CHN1: variants seen among roughly 807,000 people sequenced by gnomAD.
CHN1 encodes the protein chimerin 1, also known as N-chimaerin.
Under a neutral mutation model 59.5 loss-of-function variants are expected in CHN1, and 37 were observed. The ratio of observed to expected loss-of-function variants is 0.62; its 90% CI spans 0.48 to 0.82. CHN1 has a LOEUF of 0.82. Ranked by LOEUF, CHN1 falls within the 40% of genes least tolerant of loss-of-function variation. The pLI, the probability that CHN1 is intolerant of heterozygous loss-of-function variation, is 0.00. For missense variants in CHN1, 469 were observed against 571.0 expected, an observed-to-expected ratio of 0.82 and a Z score of 1.82; for synonymous variants, 206 against 200.4, an observed-to-expected ratio of 1.03 and a Z score of -0.24.
At chr2:174,894,502 T>G (rs1688149089) in intron 5 of CHN1, among the ~76,000 whole-genome samples, 1 of 152,090 alleles carries the variant, frequency 6.6e-6, no homozygotes, top group Admixed American at 6.6e-5. Context: ...ACAAATGGAA[T>G]GCTTGTGTAC....
intron 3 of CHN1, among the ~76,000 whole-genome samples, chr2:174,936,148 C>T (rs1490743595): frequency 2.0e-5 from 3 of 152,102 alleles, no homozygotes; most frequent in African/African-American, 7.2e-5. Flanking sequence ...GAAAGACAAC[C>T]TCATTGTTAC....
At chr2:174,934,551 C>T (rs956237555) in intron 3 of CHN1, among the ~76,000 whole-genome samples, 8 of 152,122 alleles carry the variant, frequency 5.3e-5, no homozygotes, top group Non-Finnish European at 1.0e-4. Flanking sequence ...CCGGGGACCC[C>T]TGTATTAGAG....
intron 1 of CHN1, among the ~76,000 whole-genome samples, chr2:174,968,683 A>G (rs943695508): frequency 2.6e-5 from 4 of 152,254 alleles, no homozygotes; most frequent in Admixed American, 6.5e-5. Context: ...CTTGCATGCA[A>G]CAAGGCCTAA....
At chr2:174,836,033 C>CCTTT (rs772313817) in intron 7 of CHN1, among the ~76,000 whole-genome samples, 66 of 152,300 alleles carry the variant, frequency 4.3e-4, no homozygotes, top group Non-Finnish European at 7.2e-4. Context: ...TTGTGTGCAG[C>CCTTT]TCTGTCTCCT....
chr2:174,859,188 A>G (rs1009923921), intron 6 of CHN1, among the ~76,000 whole-genome samples: 4 of 152,170 alleles, frequency 2.6e-5, no homozygotes, highest in African/African-American at 9.6e-5. Flanking sequence ...GCATAGATCC[A>G]GGAGTGGCTC....
chr2:174,926,417 C>G (rs1420495083), intron 3 of CHN1, among the ~76,000 whole-genome samples: 1 of 152,022 alleles, frequency 6.6e-6, no homozygotes, highest in East Asian at 1.9e-4. Flanking sequence ...AATAAATTAT[C>G]AGGACCCCCA....
At chr2:174,994,530 C>T (rs1691643560) in intron 1 of CHN1, among the ~76,000 whole-genome samples, 1 of 152,138 alleles carries the variant, frequency 6.6e-6, no homozygotes, top group South Asian at 2.1e-4. Flanking sequence ...TAGGGAACTT[C>T]ATCCAATGGG....
intron 1 of CHN1, among the ~76,000 whole-genome samples, chr2:174,963,594 T>C (rs752987220): frequency 6.6e-6 from 1 of 152,106 alleles, no homozygotes; most frequent in African/African-American, 2.4e-5. Flanking sequence ...TGAGGAAAGT[T>C]TGTGACTCAG....
intron 5 of CHN1, among the ~76,000 whole-genome samples, chr2:174,878,935 A>T (rs1243949681): frequency 6.6e-6 from 1 of 152,236 alleles, no homozygotes. Flanking sequence ...AAATGGATCC[A>T]ATTTGGCATG....
chr2:174,815,554 G>T (rs1685221028), intron 8 of CHN1, among the ~76,000 whole-genome samples: 1 of 142,876 alleles, frequency 7.0e-6, no homozygotes, highest in African/African-American at 2.6e-5. Context: ...TTTCCATTTG[G>T]TTCTTCCTAA....
intron 1 of CHN1, among the ~76,000 whole-genome samples, chr2:174,984,869 C>T (rs756222858): frequency 6.6e-6 from 1 of 152,224 alleles, no homozygotes; most frequent in East Asian, 1.9e-4. Flanking sequence ...TAAAAAGAAA[C>T]CTGTATTGAT....
At chr2:174,932,799 T>G (rs1047290751) in intron 3 of CHN1, among the ~76,000 whole-genome samples, 4 of 152,196 alleles carry the variant, frequency 2.6e-5, no homozygotes, top group African/African-American at 9.6e-5. Flanking sequence ...TGCTCTGGCT[T>G]TGCCTTCCAC....
intron 3 of CHN1, among the ~76,000 whole-genome samples, chr2:174,940,827 G>A (rs1228745528): frequency 1.3e-5 from 2 of 152,154 alleles, no homozygotes; most frequent in Non-Finnish European, 2.9e-5. Context: ...TTGAGACCAT[G>A]TAAATATCCT....
At chr2:174,845,425 A>T (rs1359164439) in intron 7 of CHN1, among the ~76,000 whole-genome samples, 1 of 152,138 alleles carries the variant, frequency 6.6e-6, no homozygotes, top group East Asian at 1.9e-4. Flanking sequence ...ATCAGGTTGT[A>T]TATCATGCAA....
intron 6 of CHN1, among the ~76,000 whole-genome samples, chr2:174,874,515 T>A (rs930192281): frequency 1.3e-5 from 2 of 152,264 alleles, no homozygotes; most frequent in South Asian, 2.1e-4. Context: ...CAAGTAAGAA[T>A]CTTCAGGATT....
chr2:174,928,504 C>T (rs905718023), intron 3 of CHN1, among the ~76,000 whole-genome samples: 16 of 152,072 alleles, frequency 1.1e-4, no homozygotes, highest in African/African-American at 2.7e-4. Flanking sequence ...GATGATATAA[C>T]CACTTCAAAA....
intron 6 of CHN1, among the ~76,000 whole-genome samples, chr2:174,867,464 A>G (rs867264979): frequency 3.3e-5 from 5 of 152,140 alleles, no homozygotes; most frequent in Non-Finnish European, 7.3e-5. Context: ...CAATCACTAA[A>G]TAACAAAATG....
At chr2:174,997,034 A>T (rs1171934774) in intron 1 of CHN1, among the ~76,000 whole-genome samples, 1 of 152,170 alleles carries the variant, frequency 6.6e-6, no homozygotes, top group East Asian at 1.9e-4. Flanking sequence ...CTGGCACATT[A>T]TACATGTTTT....
At chr2:174,830,312 C>T (rs544318894) in intron 7 of CHN1, among the ~76,000 whole-genome samples, 15 of 152,158 alleles carry the variant, frequency 9.9e-5, no homozygotes, top group African/African-American at 2.2e-4. Context: ...ATTATTATGC[C>T]GTGAAAAGAG....
Sources: allele counts gnomAD v4.1 joint callset (sites outside exome capture counted in the v4.1 genomes callset), GRCh38; gene constraint gnomAD v4.1.1; transcripts MANE v1.5; gene names NCBI Gene and HGNC (gene_info 2026-07-23, HGNC 2026-07-21).